EIF3L: variants seen among roughly 807,000 people sequenced by gnomAD.
EIF3L encodes the protein eIEF associated protein HSPC021.
In EIF3L, 32 loss-of-function variants were observed where a neutral mutation model predicts 74.6. The observed-to-expected ratio is 0.43, with a 90% CI of 0.32 to 0.58. The LOEUF (loss-of-function observed/expected upper bound fraction) is 0.58. Ranked by LOEUF, EIF3L falls within the 20% of genes least tolerant of loss-of-function variation. The pLI, the probability that EIF3L is intolerant of heterozygous loss-of-function variation, is 0.06. For missense variants in EIF3L, 474 were observed against 707.8 expected, an observed-to-expected ratio of 0.67 and a Z score of 3.75; for synonymous variants, 256 against 254.4, an observed-to-expected ratio of 1.01 and a Z score of -0.06.
At chr22:37,849,742 C>G (rs1021300049) in intron 1 of EIF3L, 2 of 602,296 alleles carry the variant, frequency 3.3e-6, no homozygotes, top group African/African-American at 1.9e-5. Flanking sequence ...TGTTTCTGCA[C>G]CTGAGTTTTT....
intron 5 of EIF3L, among the ~76,000 whole-genome samples, chr22:37,861,742 G>A (rs1433512559): frequency 6.6e-6 from 1 of 151,828 alleles, no homozygotes; most frequent in African/African-American, 2.4e-5. Flanking sequence ...CAGGTACTTT[G>A]TGGATATGCT....
intron 4 of EIF3L, among the ~76,000 whole-genome samples, chr22:37,857,538 CTT>C (rs997108410): frequency 1.3e-5 from 2 of 148,210 alleles, no homozygotes; most frequent in African/African-American, 4.9e-5. Context: ...CACTTAACTC[CTT>C]TTTTTTTTCC....
At chr22:37,866,404 A>T (rs554125858) in intron 7 of EIF3L, among the ~76,000 whole-genome samples, 217 of 152,328 alleles carry the variant, frequency 1.4e-3, no homozygotes, top group African/African-American at 5.1e-3. Context: ...GCATATTTTT[A>T]GGGATCACTA....
At position 37,867,269 on chromosome 22, in the gene EIF3L, G is replaced by T. The variant is rs146237945; in HGVS notation, c.580-2907G>T. On this transcript the variant is annotated intron_variant, in intron 7 of 12. Coordinates refer to ENST00000652021, the MANE Select transcript of EIF3L (RefSeq NM_016091.4). ...TTCTCCCTGCTCAGCCTCCAAAAGT[G>T]CTGGGATTACAGGCGTGAGCCACCA... Among the ~76,000 whole-genome samples the T allele has an allele frequency of 3.6e-4, 54 of 152,052 alleles. 1 individual carries two copies. In the East Asian group the frequency reaches 5.4e-3, roughly 15 times the overall value.
In EIF3L at chr22:37,859,982, A is replaced by T. The variant is rs140258827; in HGVS notation, c.435+1242A>T. The stretch of plus-strand genomic sequence containing the variant: ...AGCCGAGATCGTACCACTGCACTCC[A>T]GCCTGGGTGACAGAGTGAGACTCTT... On this transcript the variant is annotated intron_variant, in intron 5 of 12. Coordinates refer to ENST00000652021, the MANE Select transcript of EIF3L (RefSeq NM_016091.4). Among the ~76,000 whole-genome samples the T allele has an allele frequency of 1.1e-3, 164 of 152,208 alleles. 2 individuals carry two copies. In the East Asian group the frequency reaches 0.027, roughly 25 times the overall value.
At chr22:37,871,395 A>G (rs533785869) in intron 8 of EIF3L, 2 of 152,294 alleles carry the variant, frequency 1.3e-5, no homozygotes, top group Non-Finnish European at 2.9e-5. Flanking sequence ...TTGAGCACCA[A>G]CATGACGCCG....
chr22:37,862,925 A>G, intron 5 of EIF3L, 44 bp from the exon 6 acceptor site: 2 of 1,472,356 alleles, frequency 1.4e-6, no homozygotes, highest in Non-Finnish European at 1.9e-6. Flanking sequence ...AAAACACATT[A>G]AAATTAAATA....
At chr22:37,872,206 C>T (rs1037526985) in intron 8 of EIF3L, among the ~76,000 whole-genome samples, 1 of 152,006 alleles carries the variant, frequency 6.6e-6, no homozygotes, top group Non-Finnish European at 1.5e-5. Context: ...CATCCTCTGC[C>T]TCCGGGGTTC....
chr22:37,860,654 T>G (rs1473762222), intron 5 of EIF3L, among the ~76,000 whole-genome samples: 1 of 152,224 alleles, frequency 6.6e-6, no homozygotes, highest in Non-Finnish European at 1.5e-5. Flanking sequence ...ATTACAGGCG[T>G]GAGCCACTGT....
At position 37,886,574 on chromosome 22, in the gene EIF3L, AAAAAG is replaced by A. The variant is rs1000788618; in HGVS notation, c.1576-181_1576-177del. On this transcript the variant is annotated intron_variant, in intron 11 of 12. Transcript: ENST00000652021. ...ACGAGCAAAACTCCATCTCAAAAAA[AAAAAG>A]AAAAGAAAAACTCTCTAGAAAGAGT... 2.6e-5 allele frequency: 10 copies of A among 385,650 alleles called. No individual in the cohort carries two copies. In the Admixed American group the frequency reaches 3.7e-4, roughly 14 times the overall value. 23.9% of individuals were successfully genotyped at this position (385,650 alleles called of 1,614,324 possible).
chr22:37,878,144 CTCAGAGGTTGACTTCTACATTG>C lies in EIF3L; in HGVS notation c.1549_1570del (p.Ser517IlefsTer4). Reference sequence around the variant, plus strand: ...CCCTGGATGGTGAATTTCAGTCAGCCTCAGAGGTTGACTTCTACATTGATAAGGTATGCCTGTCCCCTGGGCT... The same window carrying C: ...CCCTGGATGGTGAATTTCAGTCAGCCATAAGGTATGCCTGTCCCCTGGGCT... On this transcript the variant is annotated frameshift_variant, in exon 11 of 13. Transcript: ENST00000652021. LOFTEE classifies it high-confidence loss of function. The C allele has an allele frequency of 6.2e-7, 1 of 1,611,600 alleles. No homozygotes were observed. Among genetic ancestry groups the C allele is most frequent in the Non-Finnish European group, 8.5e-7 (1 of 1,178,362 alleles).
intron 11 of EIF3L, chr22:37,879,437 G>T (rs1246968941): frequency 6.6e-6 from 1 of 152,294 alleles, no homozygotes; most frequent in Non-Finnish European, 1.5e-5. Context: ...GGAGGTTGCA[G>T]TGAGCTGAGA....
intron 11 of EIF3L, chr22:37,878,915 G>A (rs1926898698): frequency 6.6e-6 from 1 of 151,338 alleles, no homozygotes; most frequent in African/African-American, 2.4e-5. Context: ...GCTAAGCTAA[G>A]ACTTGAAGGA....
chr22:37,861,848 T>C (rs548981895), intron 5 of EIF3L, among the ~76,000 whole-genome samples: 26 of 152,288 alleles, frequency 1.7e-4, no homozygotes, highest in African/African-American at 6.0e-4. Flanking sequence ...ATCTCTCTGT[T>C]TGGTCTGTAG....
rs755228467 is a variant in EIF3L, at chr22:37,886,964, T to G, written c.1656+119T>G. 4.0e-6 allele frequency: 3 copies of G among 748,926 alleles called. No homozygotes were observed. In the East Asian group the frequency reaches 1.2e-4, roughly 29 times the overall value. 46.4% of individuals were successfully genotyped at this position (748,926 alleles called of 1,614,324 possible). ...TTTATTTTGAGATGGAGTCTTGTGC[T>G]GTCACCCATGCTGGAGTGCAGCGAC... On this transcript the variant is annotated intron_variant, in intron 12 of 12. Transcript: ENST00000652021.
At chr22:37,885,353 TCTC>T (rs1473079834) in intron 11 of EIF3L, 1 of 152,136 alleles carries the variant, frequency 6.6e-6, no homozygotes. Context: ...ACAAAACATT[TCTC>T]CTAAGAATTG....
At chr22:37,856,756 A>G (rs1261551148) in intron 4 of EIF3L, among the ~76,000 whole-genome samples, 1 of 151,920 alleles carries the variant, frequency 6.6e-6, no homozygotes, top group African/African-American at 2.4e-5. Context: ...AGGCAGGAGA[A>G]TCACTTGAAC....
chr22:37,871,979 C>G (rs1015997496), intron 8 of EIF3L, among the ~76,000 whole-genome samples: 4 of 152,084 alleles, frequency 2.6e-5, no homozygotes, highest in African/African-American at 9.7e-5. Context: ...TATACTCACC[C>G]TGTACTTCTT....
chr22:37,874,577 A>G, intron 9 of EIF3L, 53 bp downstream of exon 9: 3 of 1,584,562 alleles, frequency 1.9e-6, no homozygotes, highest in East Asian at 4.5e-5. Context: ...ATCTATTTCT[A>G]GAGAACCACT....
Sources: allele counts gnomAD v4.1 joint callset (sites outside exome capture counted in the v4.1 genomes callset), GRCh38; gene constraint gnomAD v4.1.1; transcripts MANE v1.5; gene names NCBI Gene and HGNC (gene_info 2026-07-23, HGNC 2026-07-21).